The following SP140L variants were observed in gnomAD, a reference collection of about 807,000 sequenced individuals.
The protein encoded by SP140L is nuclear body protein SP140-like protein.
A neutral mutation model predicts 84.3 loss-of-function variants in SP140L; 64 were observed. The ratio of observed to expected loss-of-function variants is 0.76; its 90% CI spans 0.62 to 0.94. SP140L has a LOEUF of 0.94. Among genes scored for constraint, SP140L ranks in the 40% least tolerant of loss-of-function variants. The pLI is 0.00. For synonymous variants in SP140L, 242 were observed against 236.9 expected (o/e 1.02, Z -0.20); for missense variants, 628 against 692.5 (o/e 0.91, Z 1.05).
intron 18 of SP140L, 128 bp from the exon 19 acceptor site, chr2:230,402,670 C>T (rs1360475233): frequency 4.3e-6 from 3 of 698,428 alleles, no homozygotes; most frequent in Admixed American, 6.4e-5. Flanking sequence ...AAAATACATA[C>T]CATTATAAAT....
rs910175679 is a variant in SP140L, at chr2:230,402,785, T to C, written c.1645-13T>C. On this transcript the variant is annotated splice_polypyrimidine_tract_variant and intron_variant, in intron 18 of 18. Transcript: ENST00000415673. ...TAAGGAACATCGTTTTTGTCTTTAT[T>C]ACTTTTTTCCAGTATAAGGATTTTG... The C allele has an allele frequency of 1.9e-6, 3 of 1,602,778 alleles. No individual in the cohort carries two copies. The highest frequency in any genetic ancestry group is 1.1e-5 in the South Asian group (1 of 90,264).
At chr2:230,331,446 C>T (rs550935005) in intron 2 of SP140L, among the ~76,000 whole-genome samples, 2 of 152,078 alleles carry the variant, frequency 1.3e-5, no homozygotes, top group Non-Finnish European at 2.9e-5. Context: ...GTATAGGTGA[C>T]CCATGTTCTA....
At chr2:230,378,438 G>A (rs1274065769) in intron 7 of SP140L, among the ~76,000 whole-genome samples, 1 of 152,142 alleles carries the variant, frequency 6.6e-6, no homozygotes, top group Non-Finnish European at 1.5e-5. Context: ...ATCTTCCCCA[G>A]AGGCCTATTA....
intron 2 of SP140L, among the ~76,000 whole-genome samples, chr2:230,346,214 T>C (rs757103847): frequency 6.6e-6 from 1 of 152,214 alleles, no homozygotes; most frequent in Admixed American, 6.5e-5. Context: ...TAATCTCTCC[T>C]GGGCTGAGAA....
At chr2:230,371,221 AT>A (rs2061057938) in intron 6 of SP140L, among the ~76,000 whole-genome samples, 1 of 152,226 alleles carries the variant, frequency 6.6e-6, no homozygotes, top group Non-Finnish European at 1.5e-5. Context: ...TGTTTATTGC[AT>A]TAATATGTTA....
At chr2:230,402,379 T>C (rs1197665587) in intron 18 of SP140L, among the ~76,000 whole-genome samples, 1 of 152,250 alleles carries the variant, frequency 6.6e-6, no homozygotes, top group Non-Finnish European at 1.5e-5. Flanking sequence ...TGATTTCACT[T>C]TTCTGCCCTG....
At chr2:230,361,303 G>A (rs16827179) in intron 4 of SP140L, among the ~76,000 whole-genome samples, 14,054 of 152,170 alleles carry the variant, frequency 0.092, 823 homozygotes, top group Middle Eastern at 0.15. Flanking sequence ...CATCCTTCCA[G>A]GGAATCCCTC....
chr2:230,368,379 G>C lies in SP140L; in HGVS notation c.524-2529G>C, dbSNP rs568659616. Among the ~76,000 whole-genome samples, 9 of 152,216 alleles carry C rather than the reference G, an allele frequency of 5.9e-5. 1 individual carries two copies. The South Asian group carries it at 1.9e-3, about 32-fold the overall frequency. Reference sequence around the variant, plus strand: ...ACTCCCGTATATGTTATTTGCTTCTGTTCTCTTGCTGCTTTCAGGATCCTC... The same window carrying C: ...ACTCCCGTATATGTTATTTGCTTCTCTTCTCTTGCTGCTTTCAGGATCCTC... On this transcript the variant is annotated intron_variant, in intron 5 of 18. Transcript: ENST00000415673.
Position 230,392,285 on chromosome 2 carries a change from G to A in SP140L, c.1107+56G>A, listed in dbSNP as rs1444486136. The stretch of plus-strand genomic sequence containing the variant: ...CCCATTCTTCTTGTTCCCTAATAAT[G>A]AGGAGACTGTTTATTCACCAAATAT... On this transcript the variant is annotated intron_variant, in intron 12 of 18. Transcript: ENST00000415673. 3 of 1,596,212 alleles carry A rather than the reference G, an allele frequency of 1.9e-6. No homozygotes were observed. The African/African-American group carries it at 4.1e-5, about 22-fold the overall frequency.
intron 2 of SP140L, among the ~76,000 whole-genome samples, chr2:230,334,595 T>C (rs2149678977): frequency 6.6e-6 from 1 of 152,364 alleles, no homozygotes; most frequent in East Asian, 1.9e-4. Flanking sequence ...TTACATGTAT[T>C]TTATTGTGGG....
chr2:230,332,192 C>G (rs1408956138), intron 2 of SP140L, among the ~76,000 whole-genome samples: 1 of 152,162 alleles, frequency 6.6e-6, no homozygotes, highest in African/African-American at 2.4e-5. Context: ...GCTAAAGAAT[C>G]TTTGAGGTCA....
chr2:230,329,178 C>T (rs2059659298), intron 2 of SP140L, among the ~76,000 whole-genome samples: 1 of 152,216 alleles, frequency 6.6e-6, no homozygotes, highest in Admixed American at 6.5e-5. Flanking sequence ...TGCTGAGGCA[C>T]TCTGTGAGCA....
chr2:230,362,163 G>A (rs771281310), intron 5 of SP140L, among the ~76,000 whole-genome samples: 5 of 152,128 alleles, frequency 3.3e-5, no homozygotes, highest in Non-Finnish European at 5.9e-5. Flanking sequence ...ACACCAACCA[G>A]TTCTTCAGTT....
At chr2:230,398,507 A>G (rs2062159980) in intron 14 of SP140L, among the ~76,000 whole-genome samples, 4 of 152,254 alleles carry the variant, frequency 2.6e-5, no homozygotes, top group Admixed American at 1.3e-4. Context: ...CACCACAGGA[A>G]CATTCCAGCA....
chr2:230,341,512 CA>C (rs2060042434), intron 2 of SP140L, among the ~76,000 whole-genome samples: 1 of 150,392 alleles, frequency 6.6e-6, no homozygotes, highest in South Asian at 2.1e-4. Context: ...ATTCTCCATC[CA>C]GCTTTGTTCT....
intron 5 of SP140L, 88 bp from the exon 6 acceptor site, chr2:230,370,820 T>A: frequency 7.5e-7 from 1 of 1,327,164 alleles, no homozygotes. Context: ...TGGGGCAAAT[T>A]AAAAGTTCAT....
At chr2:230,365,368 T>C (rs1318942882) in intron 5 of SP140L, among the ~76,000 whole-genome samples, 2 of 152,172 alleles carry the variant, frequency 1.3e-5, no homozygotes, top group African/African-American at 4.8e-5. Context: ...TTTGTGTTGG[T>C]AGGTTGTATC....
rs1445909398 is a variant in SP140L at position 230,327,287 on chromosome 2, C to T, written c.18C>T (p.Ser6=). The T allele has an allele frequency of 3.1e-6, 5 of 1,611,784 alleles. 1 individual carries two copies. The highest frequency in any genetic ancestry group is 1.7e-5 in the Admixed American group (1 of 59,698). Reference sequence around the variant, plus strand: ...GTGGGACGATGGCAGGTGGGGGCAGCGACCTGAGCACCAGGTGAGTCTTTA... The same window carrying T: ...GTGGGACGATGGCAGGTGGGGGCAGTGACCTGAGCACCAGGTGAGTCTTTA... MAGGG[S]DLSTRGLNGG... The change falls in exon 1 of 19, where the codon AGC becomes AGT. Residue 6 remains serine (S), a synonymous_variant. Coordinates refer to ENST00000415673, the MANE Select transcript of SP140L (RefSeq NM_138402.6).
chr2:230,378,932 T>C (rs1422001098), intron 7 of SP140L, among the ~76,000 whole-genome samples: 1 of 152,244 alleles, frequency 6.6e-6, no homozygotes, highest in Non-Finnish European at 1.5e-5. Flanking sequence ...TTGTTCATTT[T>C]CTTTAAATAT....
Sources: gnomAD v4.1 joint callset for allele counts (sites outside exome capture counted in the v4.1 genomes callset) on GRCh38, gnomAD v4.1.1 for gene constraint, MANE v1.5 for transcripts, NCBI Gene and HGNC (gene_info 2026-07-23, HGNC 2026-07-21) for gene names.